Variants in MAPK8 observed in about 807,000 individuals in gnomAD.
The protein encoded by MAPK8 is mitogen-activated protein kinase 8, also known as JUN N-terminal kinase.
MAPK8 carries 13 observed loss-of-function variants against 52.9 expected under a neutral mutation model. The ratio of observed to expected loss-of-function variants is 0.25; its 90% confidence interval spans 0.16 to 0.39. MAPK8 has a LOEUF of 0.39. Among genes scored for constraint, MAPK8 ranks in the 10% least tolerant of loss-of-function variants. The pLI, the probability that MAPK8 is intolerant of heterozygous loss-of-function variation, is 1.00. For missense variants in MAPK8, 300 were observed against 519.2 expected (o/e 0.58, Z 4.10); for synonymous variants, 191 against 169.8 (o/e 1.12, Z -0.97).
At chr10:48,335,720 A>G (rs780364424) in intron 1 of MAPK8, among the ~76,000 whole-genome samples, 6 of 152,202 alleles carry the variant, frequency 3.9e-5, no homozygotes, top group Admixed American at 6.5e-5. Flanking sequence ...TTTTCCTGCA[A>G]TGGCCCCTGT....
At chr10:48,368,773 G>T (rs1848292566) in intron 1 of MAPK8, among the ~76,000 whole-genome samples, 1 of 152,184 alleles carries the variant, frequency 6.6e-6, no homozygotes, top group South Asian at 2.1e-4. Flanking sequence ...CATATGCAGA[G>T]GTAGGAAGTG....
intron 6 of MAPK8, among the ~76,000 whole-genome samples, chr10:48,422,006 C>CTTATTTATTTATTTATTTATTTAT (rs199974312): frequency 7.0e-6 from 1 of 143,882 alleles, no homozygotes; most frequent in African/African-American, 2.6e-5. Flanking sequence ...TTTTATTTAT[C>CTTATTTATTTATTTATTTATTTAT]TTATTTATTT....
chr10:48,393,524 T>G (rs1265637444), intron 1 of MAPK8, among the ~76,000 whole-genome samples: 1 of 152,108 alleles, frequency 6.6e-6, no homozygotes, highest in African/African-American at 2.4e-5. Context: ...GAATATGGGA[T>G]GTAATACCAC....
chr10:48,312,531 C>A (rs1482580261), intron 1 of MAPK8, among the ~76,000 whole-genome samples: 2 of 152,188 alleles, frequency 1.3e-5, no homozygotes, highest in African/African-American at 4.8e-5. Flanking sequence ...CAAGCACTTG[C>A]TTTGCTTGGC....
chr10:48,333,400 C>T (rs1489901842), intron 1 of MAPK8, among the ~76,000 whole-genome samples: 1 of 152,204 alleles, frequency 6.6e-6, no homozygotes, highest in African/African-American at 2.4e-5. Context: ...ATTGTTTGCA[C>T]ACATTTGGGC....
chr10:48,346,481 C>A (rs1387155939), intron 1 of MAPK8, among the ~76,000 whole-genome samples: 1 of 152,216 alleles, frequency 6.6e-6, no homozygotes. Context: ...CGTTACCAGG[C>A]GGATCGTGGT....
intron 1 of MAPK8, among the ~76,000 whole-genome samples, chr10:48,371,971 G>T (rs1309416000): frequency 6.6e-6 from 1 of 152,014 alleles, no homozygotes; most frequent in Non-Finnish European, 1.5e-5. Flanking sequence ...CGTGGAGAAG[G>T]GGCATGGAGT....
At chr10:48,320,169 C>T (rs1379110925) in intron 1 of MAPK8, among the ~76,000 whole-genome samples, 1 of 144,220 alleles carries the variant, frequency 6.9e-6, no homozygotes, top group East Asian at 2.1e-4. Context: ...CCCACCTTGG[C>T]CTCCCAAGTG....
chr10:48,320,475 T>G (rs982227886), intron 1 of MAPK8, among the ~76,000 whole-genome samples: 2 of 151,936 alleles, frequency 1.3e-5, no homozygotes, highest in African/African-American at 4.8e-5. Context: ...GGCCTCAAGT[T>G]ATCCTCCCAC....
At chr10:48,401,995 T>C (rs951636945) in intron 2 of MAPK8, among the ~76,000 whole-genome samples, 1 of 152,210 alleles carries the variant, frequency 6.6e-6, no homozygotes, top group Non-Finnish European at 1.5e-5. Flanking sequence ...ATCCCTTATC[T>C]GAAATGCTTA....
chr10:48,401,328 T>G (rs1366689228), intron 1 of MAPK8, among the ~76,000 whole-genome samples: 4 of 152,228 alleles, frequency 2.6e-5, no homozygotes, highest in East Asian at 3.8e-4. Context: ...TTATTTGCTT[T>G]CTTTTGTTCG....
chr10:48,344,224 C>T (rs987108522), intron 1 of MAPK8, among the ~76,000 whole-genome samples: 3 of 152,340 alleles, frequency 2.0e-5, no homozygotes, highest in Middle Eastern at 3.4e-3. Context: ...TGTTATAATA[C>T]AGTCCAGATG....
In MAPK8 at chr10:48,435,422, GT is replaced by G. The variant is rs895943529; in HGVS notation, c.*401del. On this transcript the variant is annotated 3_prime_UTR_variant, in exon 12 of 12. Coordinates refer to ENST00000374189, the MANE Select transcript of MAPK8 (RefSeq NM_001323329.2). ...TCATGAATTATTTAAGATTTTTATAGTTTTTTTTAATTAGAATTTATTTCAG... is the reference window on the plus strand; with the variant it reads ...TCATGAATTATTTAAGATTTTTATAGTTTTTTTAATTAGAATTTATTTCAG... 2.5e-4 allele frequency: 39 copies of G among 157,328 alleles called. No individual in the cohort carries two copies. The highest frequency in any genetic ancestry group is 3.3e-4 in the Non-Finnish European group (24 of 71,996). 9.7% of individuals were successfully genotyped at this position (157,328 alleles called of 1,614,324 possible). A position where few individuals can be genotyped will look rare whatever the true frequency, so the allele number is the denominator to read the frequency against.
At chr10:48,378,298 G>A (rs890990013) in intron 1 of MAPK8, among the ~76,000 whole-genome samples, 3 of 152,144 alleles carry the variant, frequency 2.0e-5, no homozygotes, top group East Asian at 3.8e-4. Flanking sequence ...TCACAGAGTG[G>A]CAGAAATGAG....
At chr10:48,426,539 G>A in intron 9 of MAPK8, 35 bp downstream of exon 9, 1 of 1,586,230 alleles carries the variant, frequency 6.3e-7, no homozygotes, top group Non-Finnish European at 8.6e-7. Flanking sequence ...AGAACATATT[G>A]CATTCTTAGA....
chr10:48,415,541 A>G (rs2043018572), intron 5 of MAPK8, among the ~76,000 whole-genome samples: 1 of 152,222 alleles, frequency 6.6e-6, no homozygotes, highest in South Asian at 2.1e-4. Flanking sequence ...CTCAACAACA[A>G]CTGCGTATTT....
At chr10:48,313,134 T>C (rs376418490) in intron 1 of MAPK8, among the ~76,000 whole-genome samples, 3 of 152,234 alleles carry the variant, frequency 2.0e-5, no homozygotes, top group Admixed American at 6.5e-5. Flanking sequence ...AACATTTCTG[T>C]AAAAAATACA....
chr10:48,356,202 A>G (rs571731749), intron 1 of MAPK8, among the ~76,000 whole-genome samples: 1 of 152,342 alleles, frequency 6.6e-6, no homozygotes, highest in East Asian at 1.9e-4. Flanking sequence ...TTTAAAGCAT[A>G]TTAATATATA....
In MAPK8 at chr10:48,438,467, A is replaced by G. The variant is rs760447448; in HGVS notation, c.*3438A>G. On this transcript the variant is annotated 3_prime_UTR_variant, in exon 12 of 12. Transcript: ENST00000374189. ...ATTTCAAACTGACTGCTCTTCGTTA[A>G]GTGCTCTTAAGGAGAGTCTAGTAAC... The G allele has an allele frequency of 2.6e-5, 4 of 152,252 alleles. No individual in the cohort carries two copies. The highest frequency in any genetic ancestry group is 4.4e-5 in the Non-Finnish European group (3 of 68,032). 9.4% of individuals were successfully genotyped at this position (152,252 alleles called of 1,614,324 possible).
Sources: gnomAD v4.1 joint callset for allele counts (sites outside exome capture counted in the v4.1 genomes callset) on GRCh38, gnomAD v4.1.1 for gene constraint, MANE v1.5 for transcripts, NCBI Gene and HGNC (gene_info 2026-07-23, HGNC 2026-07-21) for gene names.